Variants in C22orf15 observed in about 807,000 individuals in gnomAD.
C22orf15 encodes the protein uncharacterized protein C22orf15.
A neutral mutation model predicts 20.3 loss-of-function variants in C22orf15; 21 were observed. The observed-to-expected ratio is 1.04, with a 90% CI of 0.74 to 1.49. The LOEUF is 1.49. Among genes scored for constraint, C22orf15 ranks in the 40% most tolerant of loss-of-function variants. The pLI, the probability that C22orf15 is intolerant of heterozygous loss-of-function variation, is 0.00. For synonymous variants in C22orf15, 78 were observed against 75.4 expected, an observed-to-expected ratio of 1.03 and a Z score of -0.18; for missense variants, 170 against 191.1, an observed-to-expected ratio of 0.89 and a Z score of 0.65.
chr22:23,765,720 G>C lies in C22orf15; in HGVS notation c.436-1G>C. ...CAACAGGGCTCCTCCTCCCCACCCA[G>C]GGCCCTGATTAAGGGGATGGATTGC... On this transcript the variant is annotated splice_acceptor_variant, in intron 5 of 5. Transcript: ENST00000402217. LOFTEE classifies it high-confidence loss of function. 2 of 1,550,376 alleles carry C rather than the reference G, an allele frequency of 1.3e-6. No homozygotes were observed.
rs1382358375 is a variant in C22orf15 at position 23,764,108 on chromosome 22, A to C, written c.47A>C (p.Asn16Thr). The change falls in exon 2 of 6, where the codon AAC (asparagine) becomes ACC (threonine). Residue 16 changes from asparagine to threonine, a missense_variant. Physicochemically the swap from Asn to Thr is moderately conservative, Grantham distance 65. Transcript: ENST00000402217. Reference protein sequence around the residue: ...MFGAGCSVLVNTSCRLVNLTA... With the variant: ...MFGAGCSVLVTTSCRLVNLTA... ...ACAGCTGGCTGCTCGGTGCTGGTGAACACCTCTTGCAGGCTGGTGAACCTC... is the reference window on the plus strand; with the variant it reads ...ACAGCTGGCTGCTCGGTGCTGGTGACCACCTCTTGCAGGCTGGTGAACCTC... The C allele has an allele frequency of 1.9e-6, 3 of 1,551,016 alleles. No individual in the cohort carries two copies. In the South Asian group the frequency reaches 3.6e-5, roughly 18 times the overall value.
At position 23,764,662 on chromosome 22, in the gene C22orf15, C is replaced by G. The variant is rs376388637; in HGVS notation, c.274C>G (p.Arg92Gly). Residue 92 changes from arginine to glycine, a missense_variant, in exon 4 of 6, where the codon CGC (arginine) becomes GGC (glycine). Arg to Gly is a moderately radical substitution (Grantham distance 125, BLOSUM62 -2). Transcript: ENST00000402217. ...AGAGGGAGAGGACATGGCCTCCACC[C>G]GCTATGAGTCCCTATTGGAGAACCT... ...IIKGEDMAST[R>G]YESLLENLDD... 7.4e-6 allele frequency: 12 copies of G among 1,614,192 alleles called. No homozygotes were observed. Among genetic ancestry groups the G allele is most frequent in the Non-Finnish European group, 1.0e-5 (12 of 1,180,020 alleles).
At position 23,764,828 on chromosome 22, in the gene C22orf15, G is replaced by A; in HGVS notation, c.361G>A (p.Gly121Ser). The A allele has an allele frequency of 6.2e-7, 1 of 1,613,950 alleles. No homozygotes were observed. The highest frequency in any genetic ancestry group is 8.5e-7 in the Non-Finnish European group (1 of 1,179,982). ...CAGGCTGTCAGGCCTCTCCTCTGTG[G>A]GCCACAACTGGAGGAAGCGTATGGG... ...LRRLSGLSSV[G>S]HNWRKRMGTR... The change falls in exon 5 of 6, where the codon GGC becomes AGC. Residue 121 changes from glycine (G) to serine (S), a missense_variant. Coordinates refer to ENST00000402217, the MANE Select transcript of C22orf15 (RefSeq NM_182520.3).
At position 23,764,149 on chromosome 22, in the gene C22orf15, C is replaced by T. The variant is rs201792455; in HGVS notation, c.88C>T (p.Gln30Ter). ...RLVNLTAHLR[Q>*]KAGLPPDATI... ...GGTGAACCTCACCGCCCACCTGAGG[C>T]AGAAAGCAGGGTTGCCCCCAGATGG... is the stretch of plus-strand genomic sequence containing the variant. Residue 30 changes from glutamine (Q) to a stop codon, truncating the protein, a stop_gained, in exon 2 of 6, where the codon CAG becomes TAG. Transcript: ENST00000402217. LOFTEE classifies it high-confidence loss of function. 1.5e-4 allele frequency: 238 copies of T among 1,551,516 alleles called. No homozygotes were observed. Among genetic ancestry groups the T allele is most frequent in the Non-Finnish European group, 2.0e-4 (228 of 1,146,996 alleles).
Position 23,764,088 on chromosome 22 carries a change from T to C in C22orf15, c.27T>C (p.Ala9=), listed in dbSNP as rs2145917056. 3.2e-6 allele frequency: 5 copies of C among 1,550,552 alleles called. No individual in the cohort carries two copies. ...GCTCACCTTTGCCCCTCTCCACAGC[T>C]GGCTGCTCGGTGCTGGTGAACACCT... MFIKVMFG[A]GCSVLVNTSC... Residue 9 remains alanine, a splice_region_variant and synonymous_variant, in exon 2 of 6, where the codon GCT becomes GCC. Coordinates refer to ENST00000402217, the MANE Select transcript of C22orf15 (RefSeq NM_182520.3).
chr22:23,764,281 A>G lies in C22orf15; in HGVS notation c.134A>G (p.Glu45Gly), dbSNP rs1781358923. The change falls in exon 3 of 6, where the codon GAG (glutamate) becomes GGG (glycine). Residue 45 changes from glutamate to glycine, a missense_variant. By Grantham distance (98) the Glu-to-Gly change is moderately conservative. Transcript: ENST00000402217. ...CCAGCGACCATTGCTCTCCTGGCTGAGGATGGCAACCTAGTGAGCCTGGAG... is the reference window on the plus strand; with the variant it reads ...CCAGCGACCATTGCTCTCCTGGCTGGGGATGGCAACCTAGTGAGCCTGGAG... ...PPDATIALLA[E>G]DGNLVSLEED... The G allele has an allele frequency of 6.4e-7, 1 of 1,551,574 alleles. No individual in the cohort carries two copies. The highest frequency in any genetic ancestry group is 2.0e-5 in the Admixed American group (1 of 50,984).
chr22:23,764,096 C>A lies in C22orf15; in HGVS notation c.35C>A (p.Ser12Ter). Reference protein sequence around the residue: ...FIKVMFGAGCSVLVNTSCRLV... With the variant: ...FIKVMFGAGC ...TTGCCCCTCTCCACAGCTGGCTGCT[C>A]GGTGCTGGTGAACACCTCTTGCAGG... The change falls in exon 2 of 6, where the codon TCG (serine) becomes TAG (stop). Residue 12 changes from serine (S) to a stop codon, truncating the protein, a stop_gained. Coordinates refer to ENST00000402217, the MANE Select transcript of C22orf15 (RefSeq NM_182520.3). LOFTEE classifies it high-confidence loss of function. 6.4e-7 allele frequency: 1 copy of A among 1,550,712 alleles called. No individual in the cohort carries two copies. Among genetic ancestry groups the A allele is most frequent in the African/African-American group, 1.4e-5 (1 of 73,134 alleles).
chr22:23,764,166 C>T lies in C22orf15; in HGVS notation c.105C>T (p.Pro35=), dbSNP rs1263511521. 2.6e-6 allele frequency: 4 copies of T among 1,551,678 alleles called. No individual in the cohort carries two copies. The highest frequency in any genetic ancestry group is 3.5e-6 in the Non-Finnish European group (4 of 1,147,000). ...TAHLRQKAGL[P]PDATIALLAE... ...ACCTGAGGCAGAAAGCAGGGTTGCCCCCAGATGGTGAGGAGACAGGGAGGA... is the reference window on the plus strand; with the variant it reads ...ACCTGAGGCAGAAAGCAGGGTTGCCTCCAGATGGTGAGGAGACAGGGAGGA... The change falls in exon 2 of 6, where the codon CCC becomes CCT. Residue 35 remains proline (P), a synonymous_variant. Transcript: ENST00000402217.
chr22:23,765,358 C>T, intron 5 of C22orf15: 1 of 1,550,874 alleles, frequency 6.4e-7, no homozygotes. Context: ...TAGCCATGAC[C>T]TCTGCCTTGT....
chr22:23,765,246 G>T, intron 5 of C22orf15: 1 of 1,476,412 alleles, frequency 6.8e-7, no homozygotes. Context: ...GTGATGGCAC[G>T]GCCCACACTG....
chr22:23,764,707 C>G lies in C22orf15; in HGVS notation c.319C>G (p.Leu107Val). 2 of 1,614,208 alleles carry G rather than the reference C, an allele frequency of 1.2e-6. No individual in the cohort carries two copies. The highest frequency in any genetic ancestry group is 1.1e-5 in the South Asian group (1 of 91,082). ...LENLDDHYPELAEELRRLSGL... is the reference protein window; with the variant it reads ...LENLDDHYPEVAEELRRLSGL... ...GAACCTGGATGACCATTACCCAGAG[C>G]TGGCAGGTGAGTGTCAGGGTACAGC... Residue 107 changes from leucine (L) to valine (V), a missense_variant, in exon 4 of 6, where the codon CTG becomes GTG. Leu to Val is a conservative substitution (Grantham distance 32). Coordinates refer to ENST00000402217, the MANE Select transcript of C22orf15 (RefSeq NM_182520.3).
intron 5 of C22orf15, 54 bp from the exon 6 acceptor site, chr22:23,765,667 T>A: frequency 6.5e-7 from 1 of 1,527,814 alleles, no homozygotes; most frequent in Non-Finnish European, 8.8e-7. Flanking sequence ...CCAAGGAATC[T>A]GTCCTGTGCT....
intron 5 of C22orf15, chr22:23,765,289 G>A (rs531790232): frequency 6.5e-7 from 1 of 1,527,856 alleles, no homozygotes; most frequent in Non-Finnish European, 8.8e-7. Flanking sequence ...ATTCTGGCAG[G>A]CTTGGGGACC....
At chr22:23,765,271 G>C in intron 5 of C22orf15, 2 of 1,511,080 alleles carry the variant, frequency 1.3e-6, no homozygotes, top group Middle Eastern at 1.7e-4. Context: ...TGAAGGGCTT[G>C]TTCTTCCATT....
intron 3 of C22orf15, 30 bp from the exon 4 acceptor site, chr22:23,764,609 T>C: frequency 6.2e-7 from 1 of 1,611,066 alleles, no homozygotes; most frequent in Non-Finnish European, 8.5e-7. Context: ...GCCAGTCAGG[T>C]GTCCTTCATC....
chr22:23,763,130 C>A lies in C22orf15; in HGVS notation c.-177C>A. 1 of 782,946 alleles carries A rather than the reference C, an allele frequency of 1.3e-6. No individual in the cohort carries two copies. The allele number at this position is 782,946 out of a possible 1,614,324, so 48.5% of individuals were successfully genotyped here. On this transcript the variant is annotated 5_prime_UTR_variant, in exon 1 of 6. Coordinates refer to ENST00000402217, the MANE Select transcript of C22orf15 (RefSeq NM_182520.3). ...TTTGAGCTAGGCTGAAGCAGCAGAACCACAGAGGTGGCTGAGCAGGGGCCT... is the reference window on the plus strand; with the variant it reads ...TTTGAGCTAGGCTGAAGCAGCAGAAACACAGAGGTGGCTGAGCAGGGGCCT...
rs544142624 is a variant in C22orf15, at chr22:23,763,492, C to T, written c.25+161C>T. On this transcript the variant is annotated intron_variant, in intron 1 of 5. Transcript: ENST00000402217. ...GAAGCGGCTCTGTGAGGAGGCGAAG[C>T]CAGCACCTGGAGCGAGTCCCTTAAA... 2.0e-5 allele frequency among the ~76,000 whole-genome samples: 3 copies of T among 152,328 alleles called. No individual in the cohort carries two copies. In the South Asian group the frequency reaches 6.2e-4, roughly 32 times the overall value.
Position 23,764,277 on chromosome 22 carries a change from G to T in C22orf15, c.130G>T (p.Ala44Ser). The T allele has an allele frequency of 6.4e-7, 1 of 1,551,682 alleles. No homozygotes were observed. The highest frequency in any genetic ancestry group is 8.7e-7 in the Non-Finnish European group (1 of 1,146,976). Reference sequence around the variant, plus strand: ...CCTCCCAGCGACCATTGCTCTCCTGGCTGAGGATGGCAACCTAGTGAGCCT... The same window carrying T: ...CCTCCCAGCGACCATTGCTCTCCTGTCTGAGGATGGCAACCTAGTGAGCCT... Reference protein sequence around the residue: ...LPPDATIALLAEDGNLVSLEE... With the variant: ...LPPDATIALLSEDGNLVSLEE... Residue 44 changes from alanine to serine, a missense_variant, in exon 3 of 6, where the codon GCT becomes TCT. Transcript: ENST00000402217.
intron 2 of C22orf15, 28 bp downstream of exon 2, chr22:23,764,201 G>A: frequency 6.4e-7 from 1 of 1,551,674 alleles, no homozygotes; most frequent in African/African-American, 1.4e-5. Context: ...AGAAGGAGGG[G>A]CTGAGGGGTC....
Sources: gnomAD v4.1 joint callset for allele counts (sites outside exome capture counted in the v4.1 genomes callset) on GRCh38, gnomAD v4.1.1 for gene constraint, MANE v1.5 for transcripts, NCBI Gene and HGNC (gene_info 2026-07-23, HGNC 2026-07-21) for gene names.